The following P2RY12 variants were observed in gnomAD, a reference collection of about 807,000 sequenced individuals.
P2RY12 encodes the protein P2Y purinoceptor 12.
Under a neutral mutation model 4.5 loss-of-function variants are expected in P2RY12, and 3 were observed. The observed-to-expected ratio is 0.67, with a 90% CI of 0.31 to 1.74. The LOEUF is 1.74. Among genes scored for constraint, P2RY12 ranks in the 40% most tolerant of loss-of-function variants. The pLI, the probability that P2RY12 is intolerant of heterozygous loss-of-function variation, is 0.09. For synonymous variants in P2RY12, 148 were observed against 154.1 expected (o/e 0.96, Z 0.29); for missense variants, 356 against 407.8 (o/e 0.87, Z 1.09).
rs754512189 is a variant in P2RY12 at position 151,378,187 on chromosome 3, A to T, written c.-180+6505T>A. On this transcript the variant is annotated intron_variant, in intron 1 of 2. Coordinates refer to ENST00000302632, the MANE Select transcript of P2RY12 (RefSeq NM_022788.5). ...GAAACAGAAAAGGTGTGGCTGGAAG[A>T]TGGGCGTCTGTGTGAGAGTTTAAAG... 2.5e-6 allele frequency: 4 copies of T among 1,590,662 alleles called. No individual in the cohort carries two copies. The Admixed American group carries it at 5.2e-5, about 21-fold the overall frequency.
At chr3:151,343,639 T>A (rs1752156367) in intron 1 of P2RY12, among the ~76,000 whole-genome samples, 1 of 152,110 alleles carries the variant, frequency 6.6e-6, no homozygotes, top group Non-Finnish European at 1.5e-5. Context: ...ACACATACAG[T>A]TTGTAGTTAT....
chr3:151,353,915 G>C (rs574535924), intron 1 of P2RY12, among the ~76,000 whole-genome samples: 1 of 152,030 alleles, frequency 6.6e-6, no homozygotes, highest in African/African-American at 2.4e-5. Context: ...GCCGAGGCGG[G>C]CGGATCACGA....
At chr3:151,380,648 A>G (rs1272074669) in intron 1 of P2RY12, among the ~76,000 whole-genome samples, 1 of 151,886 alleles carries the variant, frequency 6.6e-6, no homozygotes, top group African/African-American at 2.4e-5. Flanking sequence ...TTTTGAGTAG[A>G]CGCTGAGAAA....
At chr3:151,350,941 CAA>C (rs1343777645) in intron 1 of P2RY12, among the ~76,000 whole-genome samples, 2 of 152,194 alleles carry the variant, frequency 1.3e-5, no homozygotes, top group Admixed American at 1.3e-4. Context: ...ATTAGGCAAT[CAA>C]ATTATTTTAA....
At chr3:151,358,186 G>T (rs963190361) in intron 1 of P2RY12, among the ~76,000 whole-genome samples, 5 of 151,968 alleles carry the variant, frequency 3.3e-5, no homozygotes, top group African/African-American at 1.2e-4. Flanking sequence ...TAGCTATTCT[G>T]GGAAAGAGGA....
chr3:151,368,764 T>C (rs1475249426), intron 1 of P2RY12, among the ~76,000 whole-genome samples: 8 of 138,004 alleles, frequency 5.8e-5, no homozygotes, highest in South Asian at 4.6e-4. Context: ...CATTTCATTT[T>C]TTTTTTTTTT....
chr3:151,365,713 CA>C, intron 1 of P2RY12: 1 of 760,236 alleles, frequency 1.3e-6, no homozygotes, highest in African/African-American at 1.7e-5. Context: ...AGTTATTTGA[CA>C]AATGAGTATT....
chr3:151,345,641 C>A (rs4679794), intron 1 of P2RY12, among the ~76,000 whole-genome samples: 27,707 of 151,396 alleles, frequency 0.18, 3,145 homozygotes, highest in South Asian at 0.33. Flanking sequence ...CCTCAGCCTC[C>A]CGAGTAGCTG....
At position 151,355,207 on chromosome 3, in the gene P2RY12, T is replaced by C. The variant is rs1473421066; in HGVS notation, c.-179-14447A>G. The C allele has an allele frequency of 1.4e-5, 22 of 1,613,438 alleles. No individual in the cohort carries two copies. Among genetic ancestry groups the C allele is most frequent in the Non-Finnish European group, 1.8e-5 (21 of 1,179,596 alleles). The stretch of plus-strand genomic sequence containing the variant: ...TGTGTTCACTAAACTCCAGCTCCTT[T>C]CATATTTTGATCAACATCAAGTGAC... On this transcript the variant is annotated intron_variant, in intron 1 of 2. Transcript: ENST00000302632.
At chr3:151,382,586 A>T in intron 1 of P2RY12, 2 of 1,104,670 alleles carry the variant, frequency 1.8e-6, no homozygotes, top group Admixed American at 2.3e-5. Context: ...TGCTATCAGT[A>T]TAAAGCTCAA....
intron 1 of P2RY12, among the ~76,000 whole-genome samples, chr3:151,368,491 C>T (rs867556369): frequency 6.6e-6 from 1 of 152,086 alleles, no homozygotes; most frequent in Non-Finnish European, 1.5e-5. Context: ...AATACCTCTG[C>T]TCTTAGGCCA....
chr3:151,378,184 A>G (rs1577499095), intron 1 of P2RY12: 1 of 1,592,264 alleles, frequency 6.3e-7, no homozygotes, highest in East Asian at 2.3e-5. Context: ...GTGTGGCTGG[A>G]AGATGGGCGT....
In P2RY12 at chr3:151,338,528, G is replaced by A. The variant is rs542643971; in HGVS notation, c.318C>T (p.Phe106=). 5 of 1,613,856 alleles carry A rather than the reference G, an allele frequency of 3.1e-6. No individual in the cohort carries two copies. Among genetic ancestry groups the A allele is most frequent in the East Asian group, 4.5e-5 (2 of 44,862 alleles). ...GGAATGAAATACTGATATACATTGT[G>A]AAATAAAATATGACGGAGGTAACTT... ...VCQVTSVIFY[F]TMYISISFLG... Residue 106 remains phenylalanine (F), a synonymous_variant, in exon 3 of 3, where the codon TTC becomes TTT. Coordinates refer to ENST00000302632, the MANE Select transcript of P2RY12 (RefSeq NM_022788.5).
intron 1 of P2RY12, among the ~76,000 whole-genome samples, chr3:151,358,687 G>C (rs1001255968): frequency 2.0e-5 from 3 of 151,960 alleles, no homozygotes; most frequent in Admixed American, 6.6e-5. Flanking sequence ...CATTAACTTT[G>C]TTGTATTTTT....
Position 151,356,035 on chromosome 3 carries a change from T to C in P2RY12, c.-179-15275A>G, listed in dbSNP as rs1349992444. On this transcript the variant is annotated intron_variant, in intron 1 of 2. Coordinates refer to ENST00000302632, the MANE Select transcript of P2RY12 (RefSeq NM_022788.5). ...ATCAACGGACTAATTGACTTCGCAA[T>C]ACAGGTGTCAAAGAGACCATGTTTC... 1.9e-6 allele frequency: 3 copies of C among 1,609,874 alleles called. No homozygotes were observed. The African/African-American group carries it at 4.0e-5, about 22-fold the overall frequency.
Position 151,365,931 on chromosome 3 carries a change from G to A in P2RY12, c.-180+18761C>T, listed in dbSNP as rs571337246. ...GTTCAGAATGGCTGGGGGTTCTGAA[G>A]GCTCTTTGTTGTTCTTCAAATCACG... On this transcript the variant is annotated intron_variant, in intron 1 of 2. Transcript: ENST00000302632. 2.5e-6 allele frequency: 4 copies of A among 1,613,446 alleles called. No individual in the cohort carries two copies. In the South Asian group the frequency reaches 4.4e-5, roughly 18 times the overall value.
intron 1 of P2RY12, among the ~76,000 whole-genome samples, chr3:151,350,818 G>C (rs191796011): frequency 5.9e-5 from 9 of 152,202 alleles, no homozygotes; most frequent in Non-Finnish European, 7.4e-5. Context: ...TTTTGACATA[G>C]TTTTTACAGT....
intron 1 of P2RY12, among the ~76,000 whole-genome samples, chr3:151,360,264 A>G (rs577000291): frequency 2.6e-4 from 39 of 152,222 alleles, no homozygotes; most frequent in African/African-American, 8.9e-4. Flanking sequence ...GTCATCAGTG[A>G]CATTTCTGAA....
chr3:151,362,853 T>C (rs900865213), intron 1 of P2RY12, among the ~76,000 whole-genome samples: 6 of 152,210 alleles, frequency 3.9e-5, no homozygotes, highest in African/African-American at 1.4e-4. Context: ...TTAGGAAATA[T>C]CTTTCCACAG....
Sources: allele counts gnomAD v4.1 joint callset (sites outside exome capture counted in the v4.1 genomes callset), GRCh38; gene constraint gnomAD v4.1.1; transcripts MANE v1.5; gene names NCBI Gene and HGNC (gene_info 2026-07-23, HGNC 2026-07-21).